The following CLIC5 variants were observed in gnomAD, a reference collection of about 807,000 sequenced individuals.
CLIC5 encodes the protein chloride intracellular channel protein 5.
CLIC5 carries 20 observed loss-of-function variants against 24.7 expected under a neutral mutation model. That is an observed-to-expected ratio of 0.81 (90% CI 0.57 to 1.18). CLIC5 has a LOEUF of 1.18. Among genes scored for constraint, CLIC5 ranks in the 50% most tolerant of loss-of-function variants. The pLI, the probability that CLIC5 is intolerant of heterozygous loss-of-function variation, is 0.00. For synonymous variants in CLIC5, 159 were observed against 135.6 expected, an observed-to-expected ratio of 1.17 and a Z score of -1.20; for missense variants, 341 against 326.1, an observed-to-expected ratio of 1.05 and a Z score of -0.35.
At chr6:45,949,140 C>G in intron 3 of CLIC5, 116 bp downstream of exon 3, 1 of 1,366,704 alleles carries the variant, frequency 7.3e-7, no homozygotes, top group South Asian at 1.4e-5. Flanking sequence ...GGGTCCTGTT[C>G]TCTGGACTGG....
the CLIC5 span, among the ~76,000 whole-genome samples, chr6:46,089,161 A>G: frequency 1.3e-5 from 2 of 152,202 alleles, no homozygotes; most frequent in African/African-American, 4.8e-5. Context: ...TTGTGGCACT[A>G]GAAAAAGCAA....
chr6:45,914,501 C>G, intron 4 of CLIC5, 92 bp from the exon 5 acceptor site: 1 of 1,352,678 alleles, frequency 7.4e-7, no homozygotes, highest in Non-Finnish European at 9.6e-7. Flanking sequence ...CATCTAGAAT[C>G]CTGTCCCCTT....
chr6:45,923,380 G>C (rs1763351685), intron 4 of CLIC5, among the ~76,000 whole-genome samples: 1 of 152,154 alleles, frequency 6.6e-6, no homozygotes, highest in Non-Finnish European at 1.5e-5. Context: ...AAAACACTTA[G>C]GCTGAAGTAC....
At chr6:45,886,288 G>A (rs1378254066) in intron 6 of CLIC5, among the ~76,000 whole-genome samples, 2 of 152,170 alleles carry the variant, frequency 1.3e-5, no homozygotes, top group Admixed American at 6.5e-5. Context: ...TCAGCATCTG[G>A]ATCGGTAGCC....
At chr6:46,098,344 AATT>A in the CLIC5 span, among the ~76,000 whole-genome samples, 1 of 152,182 alleles carries the variant, frequency 6.6e-6, no homozygotes, top group African/African-American at 2.4e-5. Context: ...CACTGGCAGA[AATT>A]ATTAATTATT....
chr6:45,958,998 A>G (rs1165332574), intron 1 of CLIC5, among the ~76,000 whole-genome samples: 1 of 152,194 alleles, frequency 6.6e-6, no homozygotes, highest in Non-Finnish European at 1.5e-5. Context: ...CTACATACAT[A>G]CATACATGGT....
chr6:45,914,524 A>G, intron 4 of CLIC5, 115 bp from the exon 5 acceptor site: 1 of 1,308,420 alleles, frequency 7.6e-7, no homozygotes, highest in South Asian at 2.8e-5. Flanking sequence ...TCACACTGCC[A>G]GCTCCCCACA....
At chr6:46,020,384 T>A (rs947459560), upstream of CLIC5, among the ~76,000 whole-genome samples, 2 of 152,128 alleles carry the variant, frequency 1.3e-5, no homozygotes, top group South Asian at 2.1e-4. Context: ...TGAATTCAAA[T>A]GAACATACAA....
chr6:45,914,833 C>G (rs967837106), intron 4 of CLIC5, among the ~76,000 whole-genome samples: 1 of 147,866 alleles, frequency 6.8e-6, no homozygotes. Context: ...CGCCTGTAGT[C>G]CCAGCTACTC....
chr6:46,006,990 A>G (rs949412492), intron 1 of CLIC5, among the ~76,000 whole-genome samples: 3 of 152,160 alleles, frequency 2.0e-5, no homozygotes, highest in Non-Finnish European at 4.4e-5. Flanking sequence ...CATTTTTTAA[A>G]GCAAGTCCTT....
rs149828832 is a variant in CLIC5 at position 45,936,439 on chromosome 6, C to T, written c.406+5108G>A. On this transcript the variant is annotated intron_variant, in intron 4 of 5. Transcript: ENST00000339561. ...AGGCTGGTCTCGAACTCCCAACCTC[C>T]GGTCATCTGCCTGCCTTGGCCTCCC... Among the ~76,000 whole-genome samples the T allele has an allele frequency of 8.6e-5, 13 of 151,944 alleles. No homozygotes were observed. In the East Asian group the frequency reaches 9.7e-4, roughly 11 times the overall value.
upstream of CLIC5, among the ~76,000 whole-genome samples, chr6:46,019,828 C>CATAATA (rs200522544): frequency 2.0e-5 from 3 of 148,790 alleles, no homozygotes; most frequent in Admixed American, 1.3e-4. Flanking sequence ...AGAGACATTA[C>CATAATA]ATAATAATAA....
At chr6:46,002,431 T>C (rs1766397119) in intron 1 of CLIC5, among the ~76,000 whole-genome samples, 1 of 152,150 alleles carries the variant, frequency 6.6e-6, no homozygotes, top group East Asian at 1.9e-4. Context: ...ATGCCACATC[T>C]TGGGCAAACT....
At chr6:45,965,600 T>C (rs1472835424) in intron 1 of CLIC5, among the ~76,000 whole-genome samples, 1 of 152,214 alleles carries the variant, frequency 6.6e-6, no homozygotes, top group Non-Finnish European at 1.5e-5. Flanking sequence ...CTCAGAAATG[T>C]ACCAAAACAC....
chr6:46,055,348 C>T (rs943009612), intron 1 of CLIC5, among the ~76,000 whole-genome samples: 11 of 152,162 alleles, frequency 7.2e-5, no homozygotes, highest in Non-Finnish European at 1.5e-5. Flanking sequence ...GGTGATCTGC[C>T]CACTTCAGCC....
At chr6:46,120,209 G>A in the CLIC5 span, among the ~76,000 whole-genome samples, 5 of 152,272 alleles carry the variant, frequency 3.3e-5, no homozygotes, top group South Asian at 4.1e-4. Context: ...CACCTCACAC[G>A]GCCGGGTACT....
At chr6:46,066,308 A>G (rs1213277164) in intron 1 of CLIC5, among the ~76,000 whole-genome samples, 1 of 150,668 alleles carries the variant, frequency 6.6e-6, no homozygotes, top group East Asian at 1.9e-4. Flanking sequence ...TTTACTCACT[A>G]TATCCCCTTT....
In CLIC5 at chr6:45,899,406, C is replaced by T. The variant is rs1405694644; in HGVS notation, c.*3682G>A. 2.0e-5 allele frequency: 3 copies of T among 152,168 alleles called. No homozygotes were observed. Among genetic ancestry groups the T allele is most frequent in the African/African-American group, 7.2e-5 (3 of 41,440 alleles). 9.4% of individuals were successfully genotyped at this position (152,168 alleles called of 1,614,324 possible). A position where few individuals can be genotyped will look rare whatever the true frequency, so the allele number is the denominator to read the frequency against. Reference sequence around the variant, plus strand: ...TGATTCACCGTGCAGTTGAGATGGCCCCTGGCCAGTGGGAATTGAGGCGAG... The same window carrying T: ...TGATTCACCGTGCAGTTGAGATGGCTCCTGGCCAGTGGGAATTGAGGCGAG... On this transcript the variant is annotated 3_prime_UTR_variant, in exon 6 of 6. Coordinates refer to ENST00000339561, the MANE Select transcript of CLIC5 (RefSeq NM_016929.5).
At chr6:45,897,198 C>T (rs971883707), downstream of CLIC5, among the ~76,000 whole-genome samples, 3 of 152,144 alleles carry the variant, frequency 2.0e-5, no homozygotes, top group Non-Finnish European at 4.4e-5. Context: ...GGCCTCATAC[C>T]CACAATCAGA....
Sources: allele counts gnomAD v4.1 joint callset (sites outside exome capture counted in the v4.1 genomes callset), GRCh38; gene constraint gnomAD v4.1.1; transcripts MANE v1.5; gene names NCBI Gene and HGNC (gene_info 2026-07-23, HGNC 2026-07-21).